ARL13B: variants seen among roughly 807,000 people sequenced by gnomAD.
ARL13B encodes ADP-ribosylation factor-like protein 13B.
Under a neutral mutation model 56.1 loss-of-function variants are expected in ARL13B, and 36 were observed. The ratio of observed to expected loss-of-function variants is 0.64; its 90% confidence interval spans 0.49 to 0.85. The LOEUF (loss-of-function observed/expected upper bound fraction) is 0.85, where lower values mean the gene tolerates loss of function less well. Ranked by LOEUF, ARL13B falls within the 40% of genes least tolerant of loss-of-function variation. ARL13B has a pLI of 0.00. For missense variants in ARL13B, 519 were observed against 507.1 expected, an observed-to-expected ratio of 1.02 and a Z score of -0.23; for synonymous variants, 178 against 171.1, an observed-to-expected ratio of 1.04 and a Z score of -0.32.
chr3:94,049,581 A>G (rs1433791851), intron 8 of ARL13B, 59 bp downstream of exon 8: 4 of 1,182,032 alleles, frequency 3.4e-6, no homozygotes, highest in Non-Finnish European at 5.0e-6. Flanking sequence ...ACAGAGAAAA[A>G]AAAAAAGAAA....
chr3:94,049,390 G>GT lies in ARL13B; in HGVS notation c.1025-13dup. On this transcript the variant is annotated splice_polypyrimidine_tract_variant and intron_variant, in intron 7 of 9. Transcript: ENST00000394222. ...TTTTCATAAAGACATGAAGTTTCAT[G>GT]TTTATATTCTTGTAGCTAATGGTAA... The GT allele has an allele frequency of 6.7e-7, 1 of 1,489,222 alleles. No individual in the cohort carries two copies. The highest frequency in any genetic ancestry group is 9.3e-7 in the Non-Finnish European group (1 of 1,074,640). 92.3% of individuals were successfully genotyped at this position (1,489,222 alleles called of 1,614,324 possible).
rs138021852 is a variant in ARL13B, at chr3:94,038,335, C to A, written c.690-1545C>A. On this transcript the variant is annotated intron_variant, in intron 5 of 9. Transcript: ENST00000394222. ...CCAAAGTCACAGAAGTAGTAAATTG[C>A]AAATCTCCAAATCTTGGCTTCCTAG... 4.4e-3 allele frequency among the ~76,000 whole-genome samples: 669 copies of A among 152,150 alleles called. 2 individuals carry two copies. The highest frequency in any genetic ancestry group is 0.02 in the Middle Eastern group (6 of 294).
At chr3:94,045,812 G>A (rs553083353) in intron 7 of ARL13B, among the ~76,000 whole-genome samples, 11 of 151,624 alleles carry the variant, frequency 7.3e-5, no homozygotes, top group South Asian at 2.1e-4. Flanking sequence ...TTAGCCAGGC[G>A]TGGTGGTGGG....
At chr3:94,014,446 T>A in intron 3 of ARL13B, 1 of 1,596,250 alleles carries the variant, frequency 6.3e-7, no homozygotes, top group Non-Finnish European at 8.5e-7. Flanking sequence ...ATTTCTTTTT[T>A]TGTATTTTAC....
chr3:94,030,160 T>G (rs543829362), intron 3 of ARL13B, among the ~76,000 whole-genome samples: 14 of 152,246 alleles, frequency 9.2e-5, no homozygotes, highest in Middle Eastern at 6.8e-3. Flanking sequence ...GGCAGAGAGA[T>G]AGCAAATAGT....
intron 3 of ARL13B, among the ~76,000 whole-genome samples, chr3:94,027,915 C>A (rs1405576007): frequency 6.6e-6 from 1 of 151,924 alleles, no homozygotes; most frequent in Non-Finnish European, 1.5e-5. Context: ...GCAATTAAGA[C>A]CATTATAGCA....
intron 1 of ARL13B, among the ~76,000 whole-genome samples, chr3:93,991,702 G>A (rs904957269): frequency 2.6e-5 from 4 of 152,258 alleles, no homozygotes; most frequent in Middle Eastern, 3.4e-3. Flanking sequence ...CTATAGCCAC[G>A]TGTACATTAT....
intron 3 of ARL13B, chr3:94,014,952 G>T (rs769024123): frequency 1.2e-6 from 2 of 1,613,852 alleles, no homozygotes; most frequent in South Asian, 2.2e-5. Flanking sequence ...TCAAACTTCT[G>T]TTGATGTATT....
Position 94,053,244 on chromosome 3 carries a change from C to T in ARL13B, c.1268C>T (p.Ala423Val). 2.5e-6 allele frequency: 4 copies of T among 1,613,426 alleles called. No homozygotes were observed. Among genetic ancestry groups the T allele is most frequent in the Non-Finnish European group, 3.4e-6 (4 of 1,179,708 alleles). Residue 423 changes from alanine (A) to valine (V), a missense_variant, in exon 10 of 10, where the codon GCT becomes GTT. By Grantham distance (64) the Ala-to-Val change is moderately conservative. Coordinates refer to ENST00000394222, the MANE Select transcript of ARL13B (RefSeq NM_001174150.2). ...GTGCCACAGCGACCTAACAGTGATG[C>T]TCATGATGTGATCTCATAAACAAGA... ...LAVPQRPNSD[A>V]HDVIS
rs749663739 is a variant in ARL13B at position 93,995,928 on chromosome 3, A to C, written c.114A>C (p.Ala38=). 2 of 1,613,390 alleles carry C rather than the reference A, an allele frequency of 1.2e-6. No homozygotes were observed. The highest frequency in any genetic ancestry group is 2.2e-5 in the South Asian group (2 of 90,990). The part of the protein sequence containing the change: ...GLDNAGKTAT[A]KGIQGEYPED... ...ATAATGCTGGTAAAACCGCAACAGC[A>C]AAGGGAATCCAAGGAGGTAAGCTGA... Residue 38 remains alanine, a synonymous_variant, in exon 2 of 10, where the codon GCA becomes GCC. Coordinates refer to ENST00000394222, the MANE Select transcript of ARL13B (RefSeq NM_001174150.2).
chr3:94,025,595 G>A (rs1223560013), intron 3 of ARL13B, among the ~76,000 whole-genome samples: 1 of 152,198 alleles, frequency 6.6e-6, no homozygotes, highest in South Asian at 2.1e-4. Context: ...TTCGTCAGTA[G>A]CCTAGCTTCA....
chr3:94,045,981 CAT>C (rs2076977611), intron 7 of ARL13B, among the ~76,000 whole-genome samples: 1 of 139,816 alleles, frequency 7.2e-6, no homozygotes, highest in Non-Finnish European at 1.6e-5. Flanking sequence ...AAAAAAAAGA[CAT>C]ACTATAAAAT....
At chr3:94,035,285 T>A in intron 3 of ARL13B, 46 bp from the exon 4 acceptor site, 11 of 1,103,716 alleles carry the variant, frequency 1.0e-5, no homozygotes, top group Non-Finnish European at 1.5e-5. Context: ...TAAGTTTCCA[T>A]CCAATTATAT....
At chr3:94,024,519 CA>C in intron 3 of ARL13B, among the ~76,000 whole-genome samples, 1 of 152,316 alleles carries the variant, frequency 6.6e-6, no homozygotes, top group Middle Eastern at 3.4e-3. Context: ...TGGTTTGGAA[CA>C]AATCCTGAAA....
intron 1 of ARL13B, among the ~76,000 whole-genome samples, chr3:93,987,717 C>T (rs374806160): frequency 3.3e-5 from 5 of 152,100 alleles, no homozygotes; most frequent in Non-Finnish European, 5.9e-5. Flanking sequence ...GGAGTGATCA[C>T]GGCTCACTGC....
At chr3:93,990,256 C>T (rs1210572093) in intron 1 of ARL13B, among the ~76,000 whole-genome samples, 2 of 152,042 alleles carry the variant, frequency 1.3e-5, no homozygotes, top group African/African-American at 2.4e-5. Flanking sequence ...GATCCACCTG[C>T]GTTGGCATCC....
rs938066772 is a variant in ARL13B, at chr3:93,980,226, T to C, written c.-198T>C. On this transcript the variant is annotated 5_prime_UTR_variant, in exon 1 of 10. Coordinates refer to ENST00000394222, the MANE Select transcript of ARL13B (RefSeq NM_001174150.2). ...GTCTTTGGTCAGGTTGTTCCTTGGC[T>C]AAGAGGGCAGTCGTCGCGGACCCAC... The C allele has an allele frequency of 1.4e-6, 1 of 724,558 alleles. No homozygotes were observed. The highest frequency in any genetic ancestry group is 2.5e-6 in the Non-Finnish European group (1 of 406,904). The allele number at this position is 724,558 out of a possible 1,614,324, so 44.9% of individuals were successfully genotyped here.
At chr3:94,051,265 T>C (rs2077063268) in intron 9 of ARL13B, among the ~76,000 whole-genome samples, 1 of 152,118 alleles carries the variant, frequency 6.6e-6, no homozygotes, top group Non-Finnish European at 1.5e-5. Context: ...ATATGCTCAA[T>C]ATACTCAATG....
At chr3:93,991,408 C>G (rs773459055) in intron 1 of ARL13B, among the ~76,000 whole-genome samples, 3 of 152,126 alleles carry the variant, frequency 2.0e-5, no homozygotes, top group Non-Finnish European at 4.4e-5. Context: ...ATGACAGGGT[C>G]TCATTCTGTT....
Sources: gnomAD v4.1 joint callset for allele counts (sites outside exome capture counted in the v4.1 genomes callset) on GRCh38, gnomAD v4.1.1 for gene constraint, MANE v1.5 for transcripts, NCBI Gene and HGNC (gene_info 2026-07-23, HGNC 2026-07-21) for gene names.